Variants in SNRPA1 observed in about 807,000 individuals in gnomAD.
SNRPA1 encodes small nuclear ribonucleoprotein polypeptide A', also known as U2 small nuclear ribonucleoprotein A'.
Under a neutral mutation model 32.3 loss-of-function variants are expected in SNRPA1, and 5 were observed. The ratio of observed to expected loss-of-function variants is 0.15; its 90% CI spans 0.08 to 0.33. The LOEUF is 0.33. Among genes scored for constraint, SNRPA1 ranks in the 10% least tolerant of loss-of-function variants. SNRPA1 has a pLI of 1.00. For synonymous variants in SNRPA1, 111 were observed against 120.1 expected (o/e 0.92, Z 0.50); for missense variants, 198 against 311.1 (o/e 0.64, Z 2.74).
At chr15:101,291,850 G>T (rs12440683) in intron 3 of SNRPA1, 112 bp downstream of exon 3, 204,737 of 635,002 alleles carry the variant, frequency 0.32, 34,437 homozygotes, top group Middle Eastern at 0.4. Flanking sequence ...TTAAGAAAAA[G>T]ACAAGAAAGA....
At position 101,292,058 on chromosome 15, in the gene SNRPA1, T is replaced by G; in HGVS notation, c.231-18A>C. ...CTATACGGCTAAAATAAAAATAGAG[T>G]CTTAGTAAAAGTGAAAATTAAATAA... On this transcript the variant is annotated intron_variant, in intron 2 of 8. Transcript: ENST00000254193. 1.9e-6 allele frequency: 3 copies of G among 1,567,792 alleles called. No homozygotes were observed. Among genetic ancestry groups the G allele is most frequent in the Non-Finnish European group, 2.6e-6 (3 of 1,139,096 alleles).
At chr15:101,295,026 C>T (rs1201795257) in intron 1 of SNRPA1, 71 bp downstream of exon 1, 2 of 1,052,004 alleles carry the variant, frequency 1.9e-6, no homozygotes, top group African/African-American at 1.7e-5. Context: ...CTTCGGTGCA[C>T]GCGGCAAAGC....
At position 101,295,202 on chromosome 15, in the gene SNRPA1, G is replaced by C. The variant is rs746250594; in HGVS notation, c.-24C>G. ...ATCCTGCAGCCTCCCGTTCCCCCGC[G>C]CTGTGGAAAGCCCGTGGCCTCCCGC... On this transcript the variant is annotated 5_prime_UTR_variant, in exon 1 of 9. Coordinates refer to ENST00000254193, the MANE Select transcript of SNRPA1 (RefSeq NM_003090.4). The C allele has an allele frequency of 2.0e-6, 3 of 1,515,504 alleles. No individual in the cohort carries two copies. Among genetic ancestry groups the C allele is most frequent in the Non-Finnish European group, 2.6e-6 (3 of 1,133,640 alleles). 93.9% of individuals were successfully genotyped at this position (1,515,504 alleles called of 1,614,324 possible). A position where few individuals can be genotyped will look rare whatever the true frequency, so the allele number is the denominator to read the frequency against.
At chr15:101,286,456 T>C (rs2039455580) in intron 5 of SNRPA1, 163 bp from the exon 6 acceptor site, 2 of 565,364 alleles carry the variant, frequency 3.5e-6, no homozygotes, top group African/African-American at 1.9e-5. Flanking sequence ...GTCTTCTTTC[T>C]TTGGTAGAGC....
chr15:101,287,906 T>C lies in SNRPA1; in HGVS notation c.310-204A>G, dbSNP rs78550751. 1.2e-3 allele frequency: 623 copies of C among 532,418 alleles called. 6 individuals carry two copies. The highest frequency in any genetic ancestry group is 0.011 in the African/African-American group (570 of 52,396). 33.0% of individuals were successfully genotyped at this position (532,418 alleles called of 1,614,324 possible). On this transcript the variant is annotated intron_variant, in intron 3 of 8. Transcript: ENST00000254193. ...TGGGAGCTTCTTAAAATCTTGGCAT[T>C]AACAGCTTCTGTCTCAATAGCAGGA... is the stretch of plus-strand genomic sequence containing the variant.
chr15:101,286,505 G>C, intron 5 of SNRPA1: 1 of 507,120 alleles, frequency 2.0e-6, no homozygotes, highest in Non-Finnish European at 3.5e-6. Context: ...CCAAGGAGGG[G>C]ATCCCAGGGA....
chr15:101,286,982 T>G lies in SNRPA1; in HGVS notation c.385A>C (p.Lys129Gln), dbSNP rs749866603. ...SILRNPVTNK[K>Q]HYRLYVIYKV... ...TAAATCACATACAATCTGTAATGCT[T>G]CTTATTGGTTACCGGATTTCTTAGG... is the stretch of plus-strand genomic sequence containing the variant. The change falls in exon 5 of 9, where the codon AAG becomes CAG. Residue 129 changes from lysine to glutamine, a missense_variant. By Grantham distance (53) the Lys-to-Gln change is moderately conservative. This residue lies in a region of SNRPA1 where 119 missense variants were observed against 171.6 expected (regional missense o/e 0.69). Transcript: ENST00000254193. 2 of 1,604,952 alleles carry G rather than the reference T, an allele frequency of 1.2e-6. No individual in the cohort carries two copies. The highest frequency in any genetic ancestry group is 1.7e-6 in the Non-Finnish European group (2 of 1,172,630).
intron 3 of SNRPA1, among the ~76,000 whole-genome samples, chr15:101,291,227 TACAAA>T (rs1289738504): frequency 6.6e-6 from 1 of 152,212 alleles, no homozygotes; most frequent in African/African-American, 2.4e-5. Context: ...GAATTTAGGT[TACAAA>T]ACAATACACA....
chr15:101,292,590 TAAAA>T (rs10581943), intron 2 of SNRPA1, among the ~76,000 whole-genome samples: 23 of 146,390 alleles, frequency 1.6e-4, no homozygotes, highest in Admixed American at 1.4e-4. Context: ...TAGTTGCAGT[TAAAA>T]AAAAAAAAAA....
At chr15:101,292,755 G>C (rs1306084509) in intron 2 of SNRPA1, 1 of 237,952 alleles carries the variant, frequency 4.2e-6, no homozygotes, top group East Asian at 8.2e-5. Context: ...CATGATTTCT[G>C]AACAGATACA....
intron 3 of SNRPA1, among the ~76,000 whole-genome samples, chr15:101,291,242 A>C (rs1162014105): frequency 2.0e-5 from 3 of 152,248 alleles, no homozygotes; most frequent in Admixed American, 6.5e-5. Context: ...AACAATACAC[A>C]GTATCTCAAT....
chr15:101,294,388 A>G (rs2039563028), intron 1 of SNRPA1, among the ~76,000 whole-genome samples: 1 of 152,234 alleles, frequency 6.6e-6, no homozygotes, highest in South Asian at 2.1e-4. Flanking sequence ...AAGTTGCTCT[A>G]TCACGTCCCT....
rs747643637 is a variant in SNRPA1, at chr15:101,286,994, C to T, written c.373G>A (p.Val125Ile). ...AATCTGTAATGCTTCTTATTGGTTA[C>T]CGGATTTCTTAGGATACTACAAGAA... ...LTYLSILRNPVTNKKHYRLYV... is the reference protein window; with the variant it reads ...LTYLSILRNPITNKKHYRLYV... The change falls in exon 5 of 9, where the codon GTA becomes ATA. Residue 125 changes from valine to isoleucine, a missense_variant. Around this residue, in one of 3 missense-constraint regions of SNRPA1, gnomAD observed 119 missense variants for 171.6 expected, o/e 0.69. Transcript: ENST00000254193. 6.3e-7 allele frequency: 1 copy of T among 1,599,846 alleles called. No individual in the cohort carries two copies. The highest frequency in any genetic ancestry group is 1.7e-5 in the Admixed American group (1 of 59,804).
chr15:101,291,922 A>G (rs2039530718), intron 3 of SNRPA1, 40 bp downstream of exon 3: 1 of 1,336,414 alleles, frequency 7.5e-7, no homozygotes, highest in Non-Finnish European at 1.1e-6. Flanking sequence ...AGTACCTTTA[A>G]CCCCACCCAC....
Position 101,286,314 on chromosome 15 carries a change from G to C in SNRPA1, c.460-21C>G, listed in dbSNP as rs780753158. 38 of 1,609,522 alleles carry C rather than the reference G, an allele frequency of 2.4e-5. No individual in the cohort carries two copies. The South Asian group carries it at 4.0e-4, about 17-fold the overall frequency. On this transcript the variant is annotated intron_variant, in intron 5 of 8. Transcript: ENST00000254193. Reference sequence around the variant, plus strand: ...CGCTCCTACAGCGACACCACACACAGAGTTAATGGAAATAGGAATACCACA... The same window carrying C: ...CGCTCCTACAGCGACACCACACACACAGTTAATGGAAATAGGAATACCACA...
At chr15:101,285,369 T>C (rs965188342) in intron 7 of SNRPA1, among the ~76,000 whole-genome samples, 1 of 152,176 alleles carries the variant, frequency 6.6e-6, no homozygotes, top group Admixed American at 6.5e-5. Context: ...GAGGCAATAT[T>C]ATAAAACGAG....
At chr15:101,286,869 A>T (rs772811550) in intron 5 of SNRPA1, 39 bp downstream of exon 5, 1 of 1,018,888 alleles carries the variant, frequency 9.8e-7, no homozygotes, top group South Asian at 1.4e-5. Flanking sequence ...AAAAACACAC[A>T]ACTCTATAAT....
In SNRPA1 at chr15:101,290,471, TGA is replaced by T. The variant is rs74499402; in HGVS notation, c.309+1489_309+1490del. Among the ~76,000 whole-genome samples, 611 of 152,322 alleles carry T rather than the reference TGA, an allele frequency of 4.0e-3. 33 individuals are homozygous for T. In the East Asian group the frequency reaches 0.097, roughly 24 times the overall value. On this transcript the variant is annotated intron_variant, in intron 3 of 8. Transcript: ENST00000254193. ...GTAGTCAAGCATCTCCTTGAGAATCTGAAGGATGCTATGGACCTTGTCCACAA... is the reference window on the plus strand; with the variant it reads ...GTAGTCAAGCATCTCCTTGAGAATCTAGGATGCTATGGACCTTGTCCACAA...
chr15:101,285,682 C>T (rs759165241), intron 7 of SNRPA1, 44 bp downstream of exon 7: 1 of 1,296,398 alleles, frequency 7.7e-7, no homozygotes, highest in Non-Finnish European at 1.1e-6. Flanking sequence ...TGTTCTGAAC[C>T]CATCTTAGCT....
Sources: gnomAD v4.1 joint callset for allele counts (sites outside exome capture counted in the v4.1 genomes callset) on GRCh38, gnomAD v4.1.1 for gene constraint, gnomAD v4.1.1 regional missense constraint, MANE v1.5 for transcripts, NCBI Gene and HGNC (gene_info 2026-07-23, HGNC 2026-07-21) for gene names.